Variants in ADAM23 observed in about 807,000 individuals in gnomAD.
ADAM23 encodes the protein disintegrin and metalloproteinase domain-containing protein 23.
A neutral mutation model predicts 120.1 loss-of-function variants in ADAM23; 33 were observed. The observed-to-expected ratio is 0.27, with a 90% CI of 0.21 to 0.37. ADAM23 has a LOEUF of 0.37. Among genes scored for constraint, ADAM23 ranks in the 10% least tolerant of loss-of-function variants. The probability of loss-of-function intolerance (pLI) is 1.00; values close to 1 mark genes in which losing one functional copy is unlikely to be tolerated. For synonymous variants in ADAM23, 367 were observed against 375.2 expected (o/e 0.98, Z 0.25); for missense variants, 862 against 1,058.2 (o/e 0.81, Z 2.57).
intron 3 of ADAM23, among the ~76,000 whole-genome samples, chr2:206,523,422 G>T (rs910987263): frequency 6.6e-6 from 1 of 152,290 alleles, no homozygotes; most frequent in South Asian, 2.1e-4. Context: ...ATCTTTGTCT[G>T]ACTTAACGCA....
At chr2:206,455,485 AG>A (rs760626369) in intron 2 of ADAM23, among the ~76,000 whole-genome samples, 8 of 152,206 alleles carry the variant, frequency 5.3e-5, no homozygotes, top group Non-Finnish European at 8.8e-5. Flanking sequence ...CTCTTAGGCA[AG>A]CTTCTGCAGC....
intron 3 of ADAM23, among the ~76,000 whole-genome samples, chr2:206,519,747 A>G (rs964078236): frequency 2.6e-5 from 4 of 152,080 alleles, no homozygotes; most frequent in Admixed American, 1.3e-4. Flanking sequence ...CAAGGTGGCT[A>G]TTTCTTCTAA....
intron 8 of ADAM23, 67 bp downstream of exon 8, chr2:206,548,421 C>T: frequency 6.8e-7 from 1 of 1,465,014 alleles, no homozygotes; most frequent in Non-Finnish European, 9.4e-7. Flanking sequence ...TATCACCCCA[C>T]ATTATCTAAG....
intron 2 of ADAM23, among the ~76,000 whole-genome samples, chr2:206,466,526 T>A (rs1440599787): frequency 6.6e-6 from 1 of 152,238 alleles, no homozygotes; most frequent in East Asian, 1.9e-4. Context: ...CACAGAATTA[T>A]ATACCCTCCT....
At chr2:206,592,547 C>A in intron 21 of ADAM23, 70 bp from the exon 22 acceptor site, 3 of 1,554,796 alleles carry the variant, frequency 1.9e-6, no homozygotes, top group Non-Finnish European at 2.6e-6. Flanking sequence ...TCAATGTGGA[C>A]CGAATCGTTT....
intron 10 of ADAM23, among the ~76,000 whole-genome samples, chr2:206,558,852 A>T (rs1697699194): frequency 6.6e-6 from 1 of 152,230 alleles, no homozygotes; most frequent in Admixed American, 6.5e-5. Flanking sequence ...TCATTATATA[A>T]TAGCTTCAAT....
intron 2 of ADAM23, among the ~76,000 whole-genome samples, chr2:206,449,104 T>G (rs759874284): frequency 1.3e-5 from 2 of 152,094 alleles, no homozygotes; most frequent in Non-Finnish European, 2.9e-5. Context: ...ATCGAGGTGG[T>G]ATGTGATGGA....
intron 2 of ADAM23, among the ~76,000 whole-genome samples, chr2:206,462,558 T>G (rs1232083259): frequency 6.6e-6 from 1 of 152,212 alleles, no homozygotes; most frequent in Non-Finnish European, 1.5e-5. Flanking sequence ...GAAAAGGACT[T>G]GGAGCAGCGG....
Position 206,458,949 on chromosome 2 carries a change from A to G in ADAM23, c.432+13425A>G, listed in dbSNP as rs374354046. Among the ~76,000 whole-genome samples the G allele has an allele frequency of 2.4e-4, 36 of 152,332 alleles. No homozygotes were observed. The East Asian group carries it at 4.2e-3, about 18-fold the overall frequency. The stretch of plus-strand genomic sequence containing the variant: ...AACAGGGTAGAAATATCAGACATAA[A>G]TTCTGTTTTTATTTGGACACTAGGA... On this transcript the variant is annotated intron_variant, in intron 2 of 25. Coordinates refer to ENST00000264377, the MANE Select transcript of ADAM23 (RefSeq NM_003812.4).
chr2:206,490,896 A>G (rs1230980128), intron 3 of ADAM23, among the ~76,000 whole-genome samples: 2 of 152,208 alleles, frequency 1.3e-5, no homozygotes, highest in Non-Finnish European at 2.9e-5. Context: ...TCAGGTCCAG[A>G]AAATCTTGAA....
chr2:206,560,370 T>C (rs4675615), intron 11 of ADAM23, among the ~76,000 whole-genome samples: 41,975 of 151,648 alleles, frequency 0.28, 5,992 homozygotes, highest in South Asian at 0.32. Context: ...CTAGGATGCC[T>C]GCTGGCCCTC....
chr2:206,464,820 T>C (rs931179039), intron 2 of ADAM23, among the ~76,000 whole-genome samples: 1 of 151,972 alleles, frequency 6.6e-6, no homozygotes, highest in Non-Finnish European at 1.5e-5. Flanking sequence ...TGCTGCCAAA[T>C]GTACCACAGG....
rs777558570 is a variant in ADAM23, at chr2:206,592,603, T to C, written c.1959-14T>C. ...CTCCTGTCTGGTCTGTTTGTTTTCT[T>C]TACACATGTTCAGTGATGTGTTCTG... On this transcript the variant is annotated splice_polypyrimidine_tract_variant and intron_variant, in intron 21 of 25. Transcript: ENST00000264377. 8.7e-6 allele frequency: 14 copies of C among 1,612,940 alleles called. No individual in the cohort carries two copies. Among genetic ancestry groups the C allele is most frequent in the African/African-American group, 2.7e-5 (2 of 74,918 alleles).
chr2:206,451,957 C>G (rs1414643287), intron 2 of ADAM23, among the ~76,000 whole-genome samples: 5 of 152,210 alleles, frequency 3.3e-5, no homozygotes, highest in Non-Finnish European at 5.9e-5. Flanking sequence ...GCAGCAATGA[C>G]AACCACATGA....
At chr2:206,604,288 A>G (rs955255434) in intron 24 of ADAM23, among the ~76,000 whole-genome samples, 1 of 152,196 alleles carries the variant, frequency 6.6e-6, no homozygotes, top group African/African-American at 2.4e-5. Flanking sequence ...AAAGAAAAAA[A>G]AGTTATAAAA....
rs142562134 is a variant in ADAM23, at chr2:206,575,678, A to G, written c.1737+2483A>G. ...TAGCTTAATGTGAGGGCTAAAAGTT[A>G]TCTTTAAGATCCCAGTTCAGGCTAT... On this transcript the variant is annotated intron_variant, in intron 18 of 25. Coordinates refer to ENST00000264377, the MANE Select transcript of ADAM23 (RefSeq NM_003812.4). Among the ~76,000 whole-genome samples, 436 of 152,336 alleles carry G rather than the reference A, an allele frequency of 2.9e-3. 2 individuals carry two copies. Among genetic ancestry groups the G allele is most frequent in the Non-Finnish European group, 5.2e-3 (351 of 68,022 alleles).
Position 206,560,039 on chromosome 2 carries a change from A to G in ADAM23, c.1090A>G (p.Asn364Asp). ...GAAGGATCAGATTGACATCACCACCAACCCTGTGCAGATGCTCCATGAGTT... is the reference window on the plus strand; with the variant it reads ...GAAGGATCAGATTGACATCACCACCGACCCTGTGCAGATGCTCCATGAGTT... ...TEKDQIDITT[N>D]PVQMLHEFSK... is the part of the protein sequence containing the mutation. Residue 364 changes from asparagine to aspartate, a missense_variant, in exon 11 of 26, where the codon AAC (asparagine) becomes GAC (aspartate). Physicochemically the swap from Asn to Asp is conservative, Grantham distance 23 (BLOSUM62 1). Around this residue, in one of 4 missense-constraint regions of ADAM23, gnomAD observed 617 missense variants for 813.5 expected, o/e 0.76. Transcript: ENST00000264377. The G allele has an allele frequency of 6.2e-7, 1 of 1,614,084 alleles. No homozygotes were observed. The highest frequency in any genetic ancestry group is 8.5e-7 in the Non-Finnish European group (1 of 1,179,986).
intron 7 of ADAM23, 150 bp downstream of exon 7, chr2:206,547,651 C>T (rs529663371): frequency 1.7e-6 from 1 of 594,550 alleles, no homozygotes; most frequent in Admixed American, 3.3e-5. Flanking sequence ...AGTGGTGGCT[C>T]TTGTGTAAAG....
intron 5 of ADAM23, among the ~76,000 whole-genome samples, chr2:206,542,785 G>A (rs570035952): frequency 1.6e-3 from 241 of 152,252 alleles, no homozygotes; most frequent in African/African-American, 5.5e-3. Context: ...ATTTATAAGC[G>A]TAAAGATACC....
Sources: allele counts gnomAD v4.1 joint callset (sites outside exome capture counted in the v4.1 genomes callset), GRCh38; gene constraint gnomAD v4.1.1; regional missense constraint gnomAD v4.1.1; transcripts MANE v1.5; gene names NCBI Gene and HGNC (gene_info 2026-07-23, HGNC 2026-07-21).